The following FKBP10 variants were observed in gnomAD, a reference collection of about 807,000 sequenced individuals.
FKBP10 encodes the protein FKBP prolyl isomerase 10, also known as peptidyl-prolyl cis-trans isomerase FKBP10.
FKBP10 carries 34 observed loss-of-function variants against 53.7 expected under a neutral mutation model. The ratio of observed to expected loss-of-function variants is 0.63; its 90% confidence interval spans 0.48 to 0.84. The LOEUF is 0.84. FKBP10 is among the 40% of genes least tolerant of loss of function. The probability of loss-of-function intolerance (pLI) is 0.00; values close to 1 mark genes in which losing one functional copy is unlikely to be tolerated. For synonymous variants in FKBP10, 324 were observed against 335.7 expected (o/e 0.97, Z 0.38); for missense variants, 748 against 797.8 (o/e 0.94, Z 0.75).
At position 41,821,672 on chromosome 17, in the gene FKBP10, G is replaced by A. The variant is rs2144068972; in HGVS notation, c.1418G>A (p.Ser473Asn). Residue 473 changes from serine to asparagine, a missense_variant, in exon 9 of 10, where the codon AGT becomes AAT. Physicochemically the swap from Ser to Asn is conservative, Grantham distance 46. Coordinates refer to ENST00000321562, the MANE Select transcript of FKBP10 (RefSeq NM_021939.4). ...CCTCCAGCCCGGGGAGTCCCAGGCA[G>A]TGCTGTGCTGCTGTTTGAGGTGGAG... Reference protein sequence around the residue: ...GESGARGVPGSAVLLFEVELV... With the variant: ...GESGARGVPGNAVLLFEVELV... 3 of 1,613,914 alleles carry A rather than the reference G, an allele frequency of 1.9e-6. No individual in the cohort carries two copies. The East Asian group carries it at 6.7e-5, about 36-fold the overall frequency.
At position 41,813,025 on chromosome 17, in the gene FKBP10, TC is replaced by T. The variant is rs2047766423; in HGVS notation, c.-8del. The T allele has an allele frequency of 6.2e-7, 1 of 1,609,384 alleles. No homozygotes were observed. The highest frequency in any genetic ancestry group is 8.5e-7 in the Non-Finnish European group (1 of 1,179,506). On this transcript the variant is annotated 5_prime_UTR_variant, in exon 1 of 10. Coordinates refer to ENST00000321562, the MANE Select transcript of FKBP10 (RefSeq NM_021939.4). ...CGCCCTCACTGCCGGCGGTCCCAAC[TC>T]CAGGCACCATGTTCCCCGCGGGCCC...
chr17:41,822,546 G>C lies in FKBP10; in HGVS notation c.*138G>C, dbSNP rs1377007160. 1.1e-6 allele frequency: 1 copy of C among 932,050 alleles called. No homozygotes were observed. Among genetic ancestry groups the C allele is most frequent in the East Asian group, 2.6e-5 (1 of 38,134 alleles). The allele number at this position is 932,050 out of a possible 1,614,324, so 57.7% of individuals were successfully genotyped here. On this transcript the variant is annotated 3_prime_UTR_variant, in exon 10 of 10. Coordinates refer to ENST00000321562, the MANE Select transcript of FKBP10 (RefSeq NM_021939.4). The stretch of plus-strand genomic sequence containing the variant: ...AGCCAACTAAAACAATGGCAGAGGA[G>C]ACATCTCTGGTGTTCCCACCACCCT...
Position 41,818,430 on chromosome 17 carries a change from G to C in FKBP10, c.630G>C (p.Leu210=), listed in dbSNP as rs781935698. ...TYDTYVGSGW[L]IKGMDQGLLG... ...ACACCTACGTCGGCTCTGGTTGGCT[G>C]ATCAAGGGCATGGACCAGGGGCTGC... The change falls in exon 4 of 10, where the codon CTG becomes CTC. Residue 210 remains leucine, a synonymous_variant. Coordinates refer to ENST00000321562, the MANE Select transcript of FKBP10 (RefSeq NM_021939.4). 7.4e-6 allele frequency: 12 copies of C among 1,614,080 alleles called. No homozygotes were observed. The highest frequency in any genetic ancestry group is 1.0e-5 in the Non-Finnish European group (12 of 1,180,044).
chr17:41,820,052 G>A, intron 6 of FKBP10: 2 of 1,398,194 alleles, frequency 1.4e-6, no homozygotes, highest in South Asian at 1.4e-5. Context: ...GCAAGACGGT[G>A]AGTGGAAAAG....
chr17:41,820,308 T>C lies in FKBP10; in HGVS notation c.1103T>C (p.Val368Ala). ...IPGSAVLIFN[V>A]HVIDFHNPAD... ...GGCTCTGCCGTGCTAATCTTCAACG[T>C]CCATGTCATTGACTTCCACAACCCT... Residue 368 changes from valine to alanine, a missense_variant, in exon 7 of 10, where the codon GTC becomes GCC. Coordinates refer to ENST00000321562, the MANE Select transcript of FKBP10 (RefSeq NM_021939.4). The C allele has an allele frequency of 6.2e-7, 1 of 1,614,174 alleles. No homozygotes were observed. The highest frequency in any genetic ancestry group is 8.5e-7 in the Non-Finnish European group (1 of 1,180,038).
In FKBP10 at chr17:41,818,438, G is replaced by T. The variant is rs782446713; in HGVS notation, c.638G>T (p.Gly213Val). The change falls in exon 4 of 10, where the codon GGC (glycine) becomes GTC (valine). Residue 213 changes from glycine (G) to valine (V), a missense_variant. By Grantham distance (109) the Gly-to-Val change is moderately radical (BLOSUM62 -3). Coordinates refer to ENST00000321562, the MANE Select transcript of FKBP10 (RefSeq NM_021939.4). ...TYVGSGWLIK[G>V]MDQGLLGMCP... The stretch of plus-strand genomic sequence containing the variant: ...GTCGGCTCTGGTTGGCTGATCAAGG[G>T]CATGGACCAGGGGCTGCTGGGCATG... 1.2e-6 allele frequency: 2 copies of T among 1,614,186 alleles called. No homozygotes were observed. Among genetic ancestry groups the T allele is most frequent in the Non-Finnish European group, 1.7e-6 (2 of 1,180,044 alleles).
At position 41,819,808 on chromosome 17, in the gene FKBP10, A is replaced by G. The variant is rs200168198; in HGVS notation, c.1063+133A>G. 4.9e-5 allele frequency: 75 copies of G among 1,539,190 alleles called. No individual in the cohort carries two copies. In the Admixed American group the frequency reaches 9.5e-4, roughly 20 times the overall value. ...TCACAAAAACATGCATGCAGCTTAC[A>G]TCTGGTCACCCCATCTGATTCCTGC... On this transcript the variant is annotated intron_variant, in intron 6 of 9. Coordinates refer to ENST00000321562, the MANE Select transcript of FKBP10 (RefSeq NM_021939.4).
At chr17:41,815,391 T>C (rs1348381147) in intron 1 of FKBP10, among the ~76,000 whole-genome samples, 2 of 152,080 alleles carry the variant, frequency 1.3e-5, no homozygotes, top group Non-Finnish European at 2.9e-5. Context: ...ACTTCTGAGC[T>C]CAGGCAATCC....
At chr17:41,817,971 G>T in intron 2 of FKBP10, 118 bp from the exon 3 acceptor site, 1 of 1,029,030 alleles carries the variant, frequency 9.7e-7, no homozygotes, top group Non-Finnish European at 1.5e-6. Context: ...TGGCATCTCT[G>T]TCCCTGGTTT....
At chr17:41,821,613 C>G (rs782581472) in intron 8 of FKBP10, 41 bp from the exon 9 acceptor site, 3 of 1,610,826 alleles carry the variant, frequency 1.9e-6, no homozygotes, top group East Asian at 2.2e-5. Context: ...CAGACCCCGG[C>G]CTGACTAGGA....
intron 7 of FKBP10, 45 bp downstream of exon 7, chr17:41,820,506 G>A (rs1486263219): frequency 2.6e-5 from 42 of 1,599,610 alleles, no homozygotes; most frequent in Non-Finnish European, 3.4e-5. Context: ...GGTGGGCACA[G>A]GCATGGGGAG....
rs781981585 is a variant in FKBP10, at chr17:41,813,262, CAAG to C, written c.232_234del (p.Lys78del). 6.2e-7 allele frequency: 1 copy of C among 1,613,784 alleles called. No individual in the cohort carries two copies. The highest frequency in any genetic ancestry group is 2.2e-5 in the East Asian group (1 of 44,870). Reference sequence around the variant, plus strand: ...ACTACAACGGCACTTTTGAAGATGGCAAGAAGTTTGATTCAAGGTAACCCCGGT... The same window carrying C: ...ACTACAACGGCACTTTTGAAGATGGCAAGTTTGATTCAAGGTAACCCCGGT... On this transcript the variant is annotated inframe_deletion, in exon 1 of 10. Coordinates refer to ENST00000321562, the MANE Select transcript of FKBP10 (RefSeq NM_021939.4).
rs1361481904 is a variant in FKBP10, at chr17:41,820,022, G to C, written c.1064-247G>C. ...AGTGGGCAAGCCATGCTGATCCGCA[G>C]GGTAAGTTACTGGGAGTTTGCAAGA... On this transcript the variant is annotated intron_variant, in intron 6 of 9. Coordinates refer to ENST00000321562, the MANE Select transcript of FKBP10 (RefSeq NM_021939.4). 11 of 1,487,618 alleles carry C rather than the reference G, an allele frequency of 7.4e-6. No individual in the cohort carries two copies. In the African/African-American group the frequency reaches 8.4e-5, roughly 11 times the overall value. 92.2% of individuals were successfully genotyped at this position (1,487,618 alleles called of 1,614,324 possible).
intron 6 of FKBP10, chr17:41,819,986 C>T (rs1280648402): frequency 1.2e-5 from 18 of 1,520,310 alleles, no homozygotes; most frequent in Admixed American, 2.1e-5. Flanking sequence ...CCTCAGTGTC[C>T]TCACCTGTCA....
intron 1 of FKBP10, among the ~76,000 whole-genome samples, chr17:41,814,784 G>T (rs1257698696): frequency 6.6e-6 from 1 of 152,196 alleles, no homozygotes; most frequent in Non-Finnish European, 1.5e-5. Flanking sequence ...TGTCGCCCAG[G>T]CTGGAGTGCA....
At chr17:41,822,072 G>A in intron 9 of FKBP10, 151 bp from the exon 10 acceptor site, 1 of 857,690 alleles carries the variant, frequency 1.2e-6, no homozygotes, top group East Asian at 2.6e-5. Flanking sequence ...CAGCACCAGT[G>A]CCTTTCCCAG....
At chr17:41,814,925 T>G (rs1442536117) in intron 1 of FKBP10, among the ~76,000 whole-genome samples, 1 of 152,010 alleles carries the variant, frequency 6.6e-6, no homozygotes, top group Non-Finnish European at 1.5e-5. Context: ...TTGTTTTTGT[T>G]TTTTGAGACA....
At chr17:41,819,134 A>C (rs1210525528) in intron 4 of FKBP10, 76 bp from the exon 5 acceptor site, 1 of 1,479,984 alleles carries the variant, frequency 6.8e-7, no homozygotes, top group African/African-American at 1.4e-5. Flanking sequence ...CATGGTGCCC[A>C]CTGGGCCTTC....
chr17:41,819,529 G>C lies in FKBP10; in HGVS notation c.918-1G>C, dbSNP rs1555616617. ...CCTGGCCCTCCCGCCTTGTATTGCA[G>C]CTACTCCCGCAACCACACCTACAAT... On this transcript the variant is annotated splice_acceptor_variant, in intron 5 of 9. Coordinates refer to ENST00000321562, the MANE Select transcript of FKBP10 (RefSeq NM_021939.4). LOFTEE classifies it high-confidence loss of function. 2 of 1,614,110 alleles carry C rather than the reference G, an allele frequency of 1.2e-6. No homozygotes were observed. Among genetic ancestry groups the C allele is most frequent in the Admixed American group, 3.3e-5 (2 of 60,016 alleles).
Sources: allele counts gnomAD v4.1 joint callset (sites outside exome capture counted in the v4.1 genomes callset), GRCh38; gene constraint gnomAD v4.1.1; transcripts MANE v1.5; gene names NCBI Gene and HGNC (gene_info 2026-07-23, HGNC 2026-07-21).